Variants in ATG4A observed in about 807,000 individuals in gnomAD.
The protein encoded by ATG4A is cysteine protease ATG4A.
A neutral mutation model predicts 38.4 loss-of-function variants in ATG4A; 22 were observed. The ratio of observed to expected loss-of-function variants is 0.57; its 90% CI spans 0.41 to 0.82. The LOEUF is 0.82. Among genes scored for constraint, ATG4A ranks in the 40% least tolerant of loss-of-function variants. The pLI is 0.00. For synonymous variants in ATG4A, 86 were observed against 100.7 expected (o/e 0.85, Z 0.88); for missense variants, 220 against 290.0 (o/e 0.76, Z 1.75).
chrX:108,089,649 A>G (rs1336521617), upstream of ATG4A, among the ~76,000 whole-genome samples: 2 of 110,643 alleles, frequency 1.8e-5, no homozygotes, highest in South Asian at 7.7e-4. Flanking sequence ...GCCTGGCAAC[A>G]TGGTGAAACT....
Position 108,153,658 on chromosome X carries a change from T to A in ATG4A, c.1143T>A (p.Thr381=), listed in dbSNP as rs1370072541. 4 of 1,206,269 alleles carry A rather than the reference T, an allele frequency of 3.3e-6. No homozygotes were observed. Among genetic ancestry groups the A allele is most frequent in the Non-Finnish European group, 4.5e-6 (4 of 892,149 alleles). Residue 381 remains threonine, a synonymous_variant, in exon 13 of 13, where the codon ACT becomes ACA. Transcript: ENST00000372232. ...TTTGAEFIDS[T]EQLEEFDLEE... is the part of the protein sequence containing the mutation. ...TTCTGATAGAATTCATTGACTCTACTGAGCAACTGGAGGAGTTTGATCTGG... is the reference window on the plus strand; with the variant it reads ...TTCTGATAGAATTCATTGACTCTACAGAGCAACTGGAGGAGTTTGATCTGG...
chrX:108,132,863 G>A (rs753784065), intron 4 of ATG4A, among the ~76,000 whole-genome samples: 1 of 110,846 alleles, frequency 9.0e-6, no homozygotes, highest in South Asian at 3.8e-4. Flanking sequence ...CAAGTAGCAG[G>A]AAGAAGTTGG....
At chrX:108,133,910 G>C (rs887317103) in intron 4 of ATG4A, 147 bp from the exon 5 acceptor site, 15 of 434,031 alleles carry the variant, frequency 3.5e-5, no homozygotes, top group Non-Finnish European at 4.7e-5. Context: ...CAAAATGAAA[G>C]ATACTTAGAA....
At chrX:108,104,830 T>G (rs1036496992) in intron 1 of ATG4A, among the ~76,000 whole-genome samples, 2 of 111,517 alleles carry the variant, frequency 1.8e-5, no homozygotes, top group African/African-American at 3.3e-5. Flanking sequence ...TCACTGATTT[T>G]TTGTTCCTCT....
At chrX:108,097,456 G>A (rs898278638) in intron 1 of ATG4A, among the ~76,000 whole-genome samples, 1 of 111,812 alleles carries the variant, frequency 8.9e-6, no homozygotes, top group Admixed American at 9.4e-5. Context: ...CTATATCTAC[G>A]CTGTTCTAGT....
chrX:108,134,687 A>G (rs1185877537), intron 6 of ATG4A, among the ~76,000 whole-genome samples: 1 of 112,079 alleles, frequency 8.9e-6, no homozygotes, highest in Non-Finnish European at 1.9e-5. Context: ...ATTGATGCTC[A>G]TGTGCCTGGG....
chrX:108,113,181 C>T (rs2032410218), intron 1 of ATG4A, among the ~76,000 whole-genome samples: 1 of 111,799 alleles, frequency 8.9e-6, no homozygotes, highest in Non-Finnish European at 1.9e-5. Context: ...AAAACTACTG[C>T]AGACTTTGAA....
chrX:108,090,863 T>G (rs1441807007), upstream of ATG4A, among the ~76,000 whole-genome samples: 1 of 112,820 alleles, frequency 8.9e-6, no homozygotes, highest in African/African-American at 3.2e-5. Context: ...TGCAAAAACT[T>G]TTCCAATTAA....
intron 9 of ATG4A, among the ~76,000 whole-genome samples, chrX:108,148,961 T>A (rs953512022): frequency 8.9e-6 from 1 of 112,811 alleles, no homozygotes; most frequent in African/African-American, 3.2e-5. Flanking sequence ...AGAGGTGAAA[T>A]CTTCTGGTCC....
intron 9 of ATG4A, among the ~76,000 whole-genome samples, chrX:108,147,843 A>G (rs148598622): frequency 2.4e-3 from 259 of 108,788 alleles, no homozygotes; most frequent in Non-Finnish European, 2.9e-3. Context: ...AGTGTTCCCT[A>G]TACTATTAGA....
At position 108,137,751 on chromosome X, in the gene ATG4A, T is replaced by A. The variant is rs920273634; in HGVS notation, c.548-53T>A. 3 of 1,080,319 alleles carry A rather than the reference T, an allele frequency of 2.8e-6. No individual in the cohort carries two copies. In the African/African-American group the frequency reaches 5.7e-5, roughly 20 times the overall value. The allele number at this position is 1,080,319 out of a possible 1,213,427, so 89.0% of individuals were successfully genotyped here. On this transcript the variant is annotated intron_variant, in intron 7 of 12. Transcript: ENST00000372232. ...CCCTTAGTTTTGATATTGGAATATCTTCTAGGGCTGAAGACTCCTTACTTA... is the reference window on the plus strand; with the variant it reads ...CCCTTAGTTTTGATATTGGAATATCATCTAGGGCTGAAGACTCCTTACTTA...
chrX:108,110,255 A>G (rs1302018111), intron 1 of ATG4A, among the ~76,000 whole-genome samples: 2 of 107,299 alleles, frequency 1.9e-5, no homozygotes, highest in Non-Finnish European at 3.8e-5. Flanking sequence ...CTGTAGTCCC[A>G]GCTACTTGGG....
At chrX:108,124,536 C>T (rs1411990470) in intron 1 of ATG4A, among the ~76,000 whole-genome samples, 1 of 109,375 alleles carries the variant, frequency 9.1e-6, no homozygotes, top group Non-Finnish European at 1.9e-5. Context: ...ACTGCAACCT[C>T]GGCCTCCTGG....
At chrX:108,108,863 T>A (rs746064724) in intron 1 of ATG4A, among the ~76,000 whole-genome samples, 70 of 112,255 alleles carry the variant, frequency 6.2e-4, no homozygotes, top group African/African-American at 2.2e-3. Flanking sequence ...TACACAGTAT[T>A]AGTCTTTTTT....
upstream of ATG4A, among the ~76,000 whole-genome samples, chrX:108,089,298 G>A (rs1385508870): frequency 1.8e-5 from 2 of 111,146 alleles, no homozygotes; most frequent in African/African-American, 6.6e-5. Context: ...ACTTGTGGAC[G>A]GTCATATGGA....
upstream of ATG4A, among the ~76,000 whole-genome samples, chrX:108,089,056 C>T (rs995293289): frequency 8.9e-6 from 1 of 112,192 alleles, no homozygotes; most frequent in African/African-American, 3.2e-5. Context: ...GATGAACATA[C>T]GTAATTCTGG....
chrX:108,119,236 A>G (rs936148859), intron 1 of ATG4A, among the ~76,000 whole-genome samples: 9 of 111,722 alleles, frequency 8.1e-5, no homozygotes, highest in African/African-American at 2.9e-4. Context: ...GTGCTATCCA[A>G]TACGGTAACC....
chrX:108,102,582 A>G (rs927305096), intron 1 of ATG4A, among the ~76,000 whole-genome samples: 2 of 111,361 alleles, frequency 1.8e-5, no homozygotes, highest in African/African-American at 6.5e-5. Flanking sequence ...TTTATTGCCT[A>G]TACTTTTGGT....
intron 1 of ATG4A, among the ~76,000 whole-genome samples, chrX:108,105,627 C>T (rs929529808): frequency 1.1e-4 from 12 of 111,428 alleles, no homozygotes; most frequent in Non-Finnish European, 2.3e-4. Flanking sequence ...TTGTGTATCT[C>T]CTCCCAACTG....
Sources: gnomAD v4.1 joint callset for allele counts (sites outside exome capture counted in the v4.1 genomes callset) on GRCh38, gnomAD v4.1.1 for gene constraint, MANE v1.5 for transcripts, NCBI Gene and HGNC (gene_info 2026-07-23, HGNC 2026-07-21) for gene names.